The following NSMCE2 variants were observed in gnomAD, a reference collection of about 807,000 sequenced individuals.
The protein encoded by NSMCE2 is NSE2 SUMO ligase component of SMC5/6 complex.
Under a neutral mutation model 23.8 loss-of-function variants are expected in NSMCE2, and 24 were observed. That is an observed-to-expected ratio of 1.01 (90% CI 0.73 to 1.42). The LOEUF is 1.42. Among genes scored for constraint, NSMCE2 ranks in the 40% most tolerant of loss-of-function variants. The pLI, the probability that NSMCE2 is intolerant of heterozygous loss-of-function variation, is 0.00. For missense variants in NSMCE2, 284 were observed against 296.5 expected, an observed-to-expected ratio of 0.96 and a Z score of 0.31; for synonymous variants, 92 against 94.1, an observed-to-expected ratio of 0.98 and a Z score of 0.13.
At chr8:125,332,452 T>G (rs890642214) in intron 5 of NSMCE2, among the ~76,000 whole-genome samples, 2 of 152,224 alleles carry the variant, frequency 1.3e-5, no homozygotes, top group Non-Finnish European at 2.9e-5. Flanking sequence ...GTGAATAATA[T>G]AGTACTCGCA....
chr8:125,133,254 A>C (rs552518553), intron 3 of NSMCE2, among the ~76,000 whole-genome samples: 1 of 152,334 alleles, frequency 6.6e-6, no homozygotes, highest in Admixed American at 6.5e-5. Flanking sequence ...ATGTGAGTAA[A>C]TGACTAGGAT....
chr8:125,280,887 T>G (rs1188440760), intron 5 of NSMCE2, among the ~76,000 whole-genome samples: 3 of 152,220 alleles, frequency 2.0e-5, no homozygotes, highest in Non-Finnish European at 4.4e-5. Flanking sequence ...TTGGATTGAA[T>G]AAACATGTTA....
intron 5 of NSMCE2, among the ~76,000 whole-genome samples, chr8:125,321,581 A>G (rs1328488715): frequency 2.6e-5 from 4 of 152,260 alleles, no homozygotes; most frequent in Non-Finnish European, 5.9e-5. Flanking sequence ...CAAAGTTATT[A>G]TAAGAAAAAG....
chr8:125,301,296 C>T (rs1444447393), intron 5 of NSMCE2, among the ~76,000 whole-genome samples: 1 of 152,112 alleles, frequency 6.6e-6, no homozygotes, highest in Non-Finnish European at 1.5e-5. Context: ...CAGCAAACAG[C>T]GTCCCAAGTA....
chr8:125,146,030 G>A (rs549389981), intron 3 of NSMCE2, among the ~76,000 whole-genome samples: 1 of 152,072 alleles, frequency 6.6e-6, no homozygotes, highest in Non-Finnish European at 1.5e-5. Flanking sequence ...TTTTCTTTTT[G>A]TTATCAGATT....
At chr8:125,122,545 C>T (rs1819321177) in intron 3 of NSMCE2, among the ~76,000 whole-genome samples, 1 of 152,130 alleles carries the variant, frequency 6.6e-6, no homozygotes, top group Admixed American at 6.5e-5. Context: ...GCTCACATGA[C>T]TTCCTCTCCC....
intron 5 of NSMCE2, among the ~76,000 whole-genome samples, chr8:125,268,718 C>A (rs1827047554): frequency 6.6e-6 from 1 of 152,102 alleles, no homozygotes; most frequent in African/African-American, 2.4e-5. Context: ...GAAAGAGATG[C>A]CCTGGGAGGA....
At chr8:125,295,492 C>T (rs1828285538) in intron 5 of NSMCE2, among the ~76,000 whole-genome samples, 1 of 152,198 alleles carries the variant, frequency 6.6e-6, no homozygotes, top group African/African-American at 2.4e-5. Flanking sequence ...GTAGAGTGAT[C>T]ATCCTTTCTG....
chr8:125,133,463 G>T (rs1410158991), intron 3 of NSMCE2, among the ~76,000 whole-genome samples: 1 of 152,106 alleles, frequency 6.6e-6, no homozygotes, highest in Non-Finnish European at 1.5e-5. Context: ...AATTCAGCCG[G>T]GTGTGGTGGC....
intron 5 of NSMCE2, among the ~76,000 whole-genome samples, chr8:125,269,399 A>C (rs1332085155): frequency 2.0e-5 from 3 of 152,130 alleles, no homozygotes; most frequent in Admixed American, 2.0e-4. Context: ...TCTTTAACTG[A>C]GTAAAAGAAG....
At chr8:125,279,970 A>T (rs1410608653) in intron 5 of NSMCE2, among the ~76,000 whole-genome samples, 1 of 152,156 alleles carries the variant, frequency 6.6e-6, no homozygotes, top group African/African-American at 2.4e-5. Context: ...AACAATGTGC[A>T]TGTTTTTTAT....
intron 5 of NSMCE2, among the ~76,000 whole-genome samples, chr8:125,239,108 C>G (rs1825666059): frequency 1.3e-5 from 2 of 152,080 alleles, no homozygotes; most frequent in Non-Finnish European, 2.9e-5. Context: ...AGTTTTCATC[C>G]CATTTGGCAA....
intron 3 of NSMCE2, among the ~76,000 whole-genome samples, chr8:125,138,884 C>T (rs1056568281): frequency 3.3e-5 from 5 of 152,136 alleles, no homozygotes; most frequent in Admixed American, 6.6e-5. Flanking sequence ...AATTTACAGC[C>T]TGCTTCTGAT....
chr8:125,207,859 A>G (rs1460118497), intron 5 of NSMCE2, among the ~76,000 whole-genome samples: 1 of 152,204 alleles, frequency 6.6e-6, no homozygotes, highest in Admixed American at 6.5e-5. Flanking sequence ...ACATGGTAGC[A>G]GTGGGTAGGC....
intron 3 of NSMCE2, among the ~76,000 whole-genome samples, chr8:125,128,053 A>G (rs944390765): frequency 1.3e-5 from 2 of 152,216 alleles, no homozygotes; most frequent in East Asian, 3.8e-4. Flanking sequence ...TTTATTAGAA[A>G]TACAGCATTG....
chr8:125,270,350 A>T (rs1029046185), intron 5 of NSMCE2, among the ~76,000 whole-genome samples: 5 of 152,134 alleles, frequency 3.3e-5, no homozygotes, highest in Non-Finnish European at 5.9e-5. Flanking sequence ...CTGTAAACCC[A>T]GCTACTCGGG....
intron 5 of NSMCE2, among the ~76,000 whole-genome samples, chr8:125,198,938 T>G (rs1464272199): frequency 6.6e-6 from 1 of 152,126 alleles, no homozygotes; most frequent in East Asian, 1.9e-4. Context: ...GTCCAGGAAT[T>G]TATCCATTTC....
chr8:125,132,243 G>A (rs979026807), intron 3 of NSMCE2, among the ~76,000 whole-genome samples: 11 of 151,818 alleles, frequency 7.2e-5, no homozygotes, highest in Non-Finnish European at 1.2e-4. Context: ...GACTACAAGC[G>A]TACACCATTG....
intron 5 of NSMCE2, among the ~76,000 whole-genome samples, chr8:125,264,199 A>T (rs1467927017): frequency 6.6e-6 from 1 of 152,230 alleles, no homozygotes; most frequent in Non-Finnish European, 1.5e-5. Context: ...CCCAAAGTGG[A>T]CTGTCATGAG....
Sources: gnomAD v4.1 joint callset for allele counts (sites outside exome capture counted in the v4.1 genomes callset) on GRCh38, gnomAD v4.1.1 for gene constraint, MANE v1.5 for transcripts, NCBI Gene and HGNC (gene_info 2026-07-23, HGNC 2026-07-21) for gene names.